Variants in PTPRD observed in about 807,000 individuals in gnomAD.
The protein encoded by PTPRD is protein tyrosine phosphatase receptor type D.
A neutral mutation model predicts 214.5 loss-of-function variants in PTPRD; 34 were observed. The ratio of observed to expected loss-of-function variants is 0.16; its 90% CI spans 0.12 to 0.21. The LOEUF (loss-of-function observed/expected upper bound fraction) is 0.21, where lower values mean the gene tolerates loss of function less well. Among genes scored for constraint, PTPRD ranks in the 10% least tolerant of loss-of-function variants. The pLI, the probability that PTPRD is intolerant of heterozygous loss-of-function variation, is 1.00. For synonymous variants in PTPRD, 1,128 were observed against 845.7 expected (o/e 1.33, Z -5.79); for missense variants, 2,545 against 2,398.7 (o/e 1.06, Z -1.27).
At chr9:9,439,098 A>C (rs1169286239) in intron 8 of PTPRD, among the ~76,000 whole-genome samples, 1 of 152,188 alleles carries the variant, frequency 6.6e-6, no homozygotes, top group Non-Finnish European at 1.5e-5. Context: ...ATAAGAATTC[A>C]TAAAGTAGTA....
intron 11 of PTPRD, among the ~76,000 whole-genome samples, chr9:8,769,325 G>A (rs1269883045): frequency 6.6e-6 from 1 of 152,106 alleles, no homozygotes; most frequent in Non-Finnish European, 1.5e-5. Context: ...GTAAACACTA[G>A]TACTGAGAAC....
chr9:9,775,505 A>G (rs1358569090), intron 5 of PTPRD, among the ~76,000 whole-genome samples: 1 of 152,250 alleles, frequency 6.6e-6, no homozygotes. Context: ...CTAGGATTTT[A>G]CACCTAAACT....
intron 8 of PTPRD, among the ~76,000 whole-genome samples, chr9:9,463,593 T>A (rs2093867825): frequency 6.6e-6 from 1 of 152,112 alleles, no homozygotes; most frequent in Non-Finnish European, 1.5e-5. Flanking sequence ...AAAAATACAA[T>A]CCAAAGAAAA....
At chr9:10,153,791 T>C (rs967192164) in intron 3 of PTPRD, among the ~76,000 whole-genome samples, 11 of 152,074 alleles carry the variant, frequency 7.2e-5, no homozygotes, top group Non-Finnish European at 1.0e-4. Context: ...TATTTGGTTT[T>C]CTGTTCCTGC....
chr9:8,929,683 A>G (rs991585309), intron 11 of PTPRD, among the ~76,000 whole-genome samples: 6 of 109,652 alleles, frequency 5.5e-5, no homozygotes, highest in Admixed American at 1.7e-4. Flanking sequence ...GTTTTCTTTT[A>G]TATATGTGTA....
In PTPRD at chr9:9,280,466, T is replaced by G. The variant is rs115120708; in HGVS notation, c.-202-97103A>C. 9.6e-3 allele frequency among the ~76,000 whole-genome samples: 1,453 copies of G among 151,422 alleles called. 27 individuals carry two copies. The highest frequency in any genetic ancestry group is 0.034 in the African/African-American group (1,396 of 41,458). The stretch of plus-strand genomic sequence containing the variant: ...TATAAGACTAATTTATAAAAATTAG[T>G]TACTTTTATATACCAACAATGAAAA... On this transcript the variant is annotated intron_variant, in intron 9 of 45. Coordinates refer to ENST00000381196, the MANE Select transcript of PTPRD (RefSeq NM_002839.4).
chr9:8,930,813 T>G (rs976086766), intron 11 of PTPRD, among the ~76,000 whole-genome samples: 16 of 152,218 alleles, frequency 1.1e-4, no homozygotes, highest in African/African-American at 3.6e-4. Flanking sequence ...GGGTTGTTTG[T>G]TTTTTTCTTG....
intron 3 of PTPRD, among the ~76,000 whole-genome samples, chr9:10,146,430 T>C (rs973034226): frequency 2.0e-5 from 3 of 151,986 alleles, no homozygotes; most frequent in African/African-American, 7.2e-5. Context: ...AACAAATATA[T>C]AAAATAATTT....
chr9:10,609,842 G>T (rs1009825605), intron 2 of PTPRD, among the ~76,000 whole-genome samples: 1 of 152,038 alleles, frequency 6.6e-6, no homozygotes, highest in African/African-American at 2.4e-5. Context: ...TCATCTTTAT[G>T]TTGCTATAGT....
At chr9:10,178,309 T>C (rs2099261341) in intron 3 of PTPRD, among the ~76,000 whole-genome samples, 1 of 151,842 alleles carries the variant, frequency 6.6e-6, no homozygotes, top group Admixed American at 6.6e-5. Flanking sequence ...CCACCTTCCC[T>C]ACCAACATGT....
intron 20 of PTPRD, among the ~76,000 whole-genome samples, chr9:8,519,257 T>A (rs1019768659): frequency 6.6e-6 from 1 of 152,178 alleles, no homozygotes; most frequent in African/African-American, 2.4e-5. Flanking sequence ...ATATCCAATG[T>A]AGCTACATGA....
intron 21 of PTPRD, among the ~76,000 whole-genome samples, chr9:8,512,749 T>C (rs2097706736): frequency 6.6e-6 from 1 of 151,970 alleles, no homozygotes; most frequent in African/African-American, 2.4e-5. Context: ...ATTAAATGAA[T>C]AGATGTAATT....
intron 10 of PTPRD, among the ~76,000 whole-genome samples, chr9:9,032,653 T>G (rs951874086): frequency 1.3e-5 from 2 of 152,072 alleles, no homozygotes; most frequent in African/African-American, 4.8e-5. Context: ...TGTGACATTT[T>G]CTGCATATTC....
chr9:8,738,403 C>T (rs2091038709), intron 11 of PTPRD, among the ~76,000 whole-genome samples: 1 of 151,870 alleles, frequency 6.6e-6, no homozygotes, highest in Non-Finnish European at 1.5e-5. Context: ...TGTCTAAATA[C>T]TGTATTAAAA....
intron 14 of PTPRD, among the ~76,000 whole-genome samples, chr9:8,599,103 G>A (rs1036296633): frequency 7.2e-5 from 11 of 152,154 alleles, no homozygotes; most frequent in East Asian, 5.8e-4. Flanking sequence ...GACTTAATAC[G>A]TCTCATGAGA....
At chr9:10,084,018 T>C (rs1319533616) in intron 3 of PTPRD, among the ~76,000 whole-genome samples, 1 of 151,978 alleles carries the variant, frequency 6.6e-6, no homozygotes, top group Non-Finnish European at 1.5e-5. Flanking sequence ...TGACTTTAGA[T>C]AGATCATTTA....
At chr9:9,136,095 T>C (rs2099850412) in intron 10 of PTPRD, among the ~76,000 whole-genome samples, 1 of 152,140 alleles carries the variant, frequency 6.6e-6, no homozygotes, top group Admixed American at 6.5e-5. Flanking sequence ...CCTCATAACA[T>C]ACCGTCATAG....
At chr9:8,435,913 G>T (rs1333883164) in intron 35 of PTPRD, among the ~76,000 whole-genome samples, 1 of 152,178 alleles carries the variant, frequency 6.6e-6, no homozygotes, top group Non-Finnish European at 1.5e-5. Flanking sequence ...TGAAGGATAA[G>T]ATAATATACA....
intron 5 of PTPRD, among the ~76,000 whole-genome samples, chr9:9,904,366 T>C (rs1191749581): frequency 6.6e-6 from 1 of 151,980 alleles, no homozygotes; most frequent in African/African-American, 2.4e-5. Flanking sequence ...CGCTTGTGAT[T>C]AGAAGATTGG....
Sources: gnomAD v4.1 joint callset for allele counts (sites outside exome capture counted in the v4.1 genomes callset) on GRCh38, gnomAD v4.1.1 for gene constraint, MANE v1.5 for transcripts, NCBI Gene and HGNC (gene_info 2026-07-23, HGNC 2026-07-21) for gene names.